The following FAM135B variants were observed in gnomAD, a reference collection of about 807,000 sequenced individuals.
The protein encoded by FAM135B is family with sequence similarity 135 member B, also known as protein FAM135B.
Under a neutral mutation model 127.7 loss-of-function variants are expected in FAM135B, and 43 were observed. The ratio of observed to expected loss-of-function variants is 0.34; its 90% CI spans 0.26 to 0.43. The LOEUF is 0.43. Ranked by LOEUF, FAM135B falls within the 20% of genes least tolerant of loss-of-function variation. The pLI is 1.00. For synonymous variants in FAM135B, 670 were observed against 665.1 expected, an observed-to-expected ratio of 1.01 and a Z score of -0.11; for missense variants, 1,558 against 1,725.6, an observed-to-expected ratio of 0.90 and a Z score of 1.72.
chr8:138,301,224 C>T (rs1279427923), intron 3 of FAM135B, among the ~76,000 whole-genome samples: 2 of 152,124 alleles, frequency 1.3e-5, no homozygotes, highest in African/African-American at 4.8e-5. Context: ...AACAGTTCTC[C>T]CCACACTGAT....
chr8:138,457,823 A>C (rs1836879667), intron 1 of FAM135B, among the ~76,000 whole-genome samples: 1 of 152,146 alleles, frequency 6.6e-6, no homozygotes, highest in South Asian at 2.1e-4. Flanking sequence ...AACACACACA[A>C]AAAATTAGCC....
At chr8:138,418,402 T>C (rs13251039) in intron 1 of FAM135B, among the ~76,000 whole-genome samples, 10,306 of 152,082 alleles carry the variant, frequency 0.068, 793 homozygotes, top group East Asian at 0.26. Flanking sequence ...TCCCCAACCT[T>C]ACTAGAAAGG....
At chr8:138,291,951 C>T in intron 3 of FAM135B, among the ~76,000 whole-genome samples, 1 of 152,134 alleles carries the variant, frequency 6.6e-6, no homozygotes, top group African/African-American at 2.4e-5. Context: ...TGAAAAGGGC[C>T]TCCGTATTTT....
intron 7 of FAM135B, 119 bp from the exon 8 acceptor site, chr8:138,197,788 G>A: frequency 9.1e-7 from 1 of 1,102,884 alleles, no homozygotes; most frequent in Non-Finnish European, 1.3e-6. Context: ...GTTCAGGGAA[G>A]GAAGCAGACC....
At chr8:138,300,965 T>C (rs1563873670) in intron 3 of FAM135B, among the ~76,000 whole-genome samples, 1 of 152,108 alleles carries the variant, frequency 6.6e-6, no homozygotes. Flanking sequence ...TTGTCCAGGA[T>C]GGTCTCCATC....
At chr8:138,363,188 G>A (rs1468811611) in intron 2 of FAM135B, among the ~76,000 whole-genome samples, 1 of 152,128 alleles carries the variant, frequency 6.6e-6, no homozygotes, top group East Asian at 1.9e-4. Flanking sequence ...TTTTTGGGTA[G>A]TAACTCCATT....
intron 1 of FAM135B, among the ~76,000 whole-genome samples, chr8:138,482,884 A>G (rs533733174): frequency 3.9e-4 from 59 of 152,214 alleles, no homozygotes; most frequent in African/African-American, 1.4e-3. Context: ...TTTAGAAAAA[A>G]ATGTTGTTAA....
chr8:138,184,437 C>G (rs73423946), intron 9 of FAM135B, among the ~76,000 whole-genome samples: 1 of 152,118 alleles, frequency 6.6e-6, no homozygotes, highest in Non-Finnish European at 1.5e-5. Flanking sequence ...GGATGTGCGA[C>G]GCAAAAGATG....
intron 11 of FAM135B, among the ~76,000 whole-genome samples, chr8:138,176,176 G>A (rs1005028824): frequency 6.6e-6 from 1 of 152,250 alleles, no homozygotes; most frequent in Non-Finnish European, 1.5e-5. Context: ...GGTCAGTGTT[G>A]CAAAGCTCTT....
At position 138,442,236 on chromosome 8, in the gene FAM135B, CCATATATATATATATATA is replaced by C. The variant is rs1310016075; in HGVS notation, c.-20+54417_-20+54434del. Among the ~76,000 whole-genome samples the C allele has an allele frequency of 6.1e-4, 8 of 13,130 alleles. 1 individual carries two copies. Among genetic ancestry groups the C allele is most frequent in the Non-Finnish European group, 8.6e-4 (7 of 8,108 alleles). The allele number at this position is 13,130 out of a possible 152,430, so 8.6% of individuals were successfully genotyped here. A position where few individuals can be genotyped will look rare whatever the true frequency, so the allele number is the denominator to read the frequency against. ...AAATTTAACGTGAAGAATATGGACA[CCATATATATATATATATA>C]TATATATATATATATATATATATGA... On this transcript the variant is annotated intron_variant, in intron 1 of 19. Transcript: ENST00000395297.
intron 12 of FAM135B, among the ~76,000 whole-genome samples, chr8:138,167,384 TG>T (rs1363084851): frequency 1.3e-5 from 2 of 152,056 alleles, no homozygotes; most frequent in East Asian, 3.9e-4. Context: ...TTAGTAGAGA[TG>T]GGGTTTCTCC....
intron 3 of FAM135B, among the ~76,000 whole-genome samples, chr8:138,300,060 C>T (rs12682261): frequency 0.12 from 18,149 of 151,908 alleles, 1,960 homozygotes; most frequent in East Asian, 0.42. Flanking sequence ...CTCCACATCC[C>T]GGGTTCAAGT....
At chr8:138,186,393 T>C (rs1024953727) in intron 9 of FAM135B, among the ~76,000 whole-genome samples, 2 of 152,128 alleles carry the variant, frequency 1.3e-5, no homozygotes, top group African/African-American at 4.8e-5. Context: ...ACTGCAGAGC[T>C]CTATGTCTTC....
At chr8:138,423,887 G>GT (rs1348325891) in intron 1 of FAM135B, among the ~76,000 whole-genome samples, 1 of 152,156 alleles carries the variant, frequency 6.6e-6, no homozygotes, top group Non-Finnish European at 1.5e-5. Flanking sequence ...ACCCTCAGGG[G>GT]TGCATTCTCT....
At chr8:138,414,655 AT>A (rs34723284) in intron 1 of FAM135B, among the ~76,000 whole-genome samples, 13,226 of 152,016 alleles carry the variant, frequency 0.087, 990 homozygotes, top group East Asian at 0.26. Context: ...TAACTGATTA[AT>A]TTTTTTCCCC....
At chr8:138,445,688 G>A (rs910622523) in intron 1 of FAM135B, among the ~76,000 whole-genome samples, 9 of 152,098 alleles carry the variant, frequency 5.9e-5, no homozygotes, top group African/African-American at 9.7e-5. Context: ...CAAACCCACG[G>A]CCAATATCAT....
At chr8:138,481,049 T>G (rs10091823) in intron 1 of FAM135B, among the ~76,000 whole-genome samples, 15,709 of 152,250 alleles carry the variant, frequency 0.1, 2,113 homozygotes, top group African/African-American at 0.31. Context: ...CTGTTACCTC[T>G]GACTTCTCCC....
At chr8:138,265,921 C>A (rs2130634912) in intron 3 of FAM135B, 79 bp from the exon 4 acceptor site, 2 of 1,466,250 alleles carry the variant, frequency 1.4e-6, no homozygotes, top group South Asian at 1.4e-5. Context: ...GTCTTTCCTG[C>A]TCAAGTAGGC....
At chr8:138,486,002 G>A (rs948353554) in intron 1 of FAM135B, among the ~76,000 whole-genome samples, 2 of 152,018 alleles carry the variant, frequency 1.3e-5, no homozygotes, top group East Asian at 1.9e-4. Context: ...AAGCCTCCTA[G>A]GTAATTGCAG....
Sources: gnomAD v4.1 joint callset for allele counts (sites outside exome capture counted in the v4.1 genomes callset) on GRCh38, gnomAD v4.1.1 for gene constraint, MANE v1.5 for transcripts, NCBI Gene and HGNC (gene_info 2026-07-23, HGNC 2026-07-21) for gene names.